The following LUZP2 variants were observed in gnomAD, a reference collection of about 807,000 sequenced individuals.
LUZP2 encodes leucine zipper protein 2.
Under a neutral mutation model 51.6 loss-of-function variants are expected in LUZP2, and 52 were observed. The observed-to-expected ratio is 1.01, with a 90% confidence interval of 0.81 to 1.27. The LOEUF is 1.27. Among genes scored for constraint, LUZP2 ranks in the 50% most tolerant of loss-of-function variants. LUZP2 has a pLI of 0.00. For synonymous variants in LUZP2, 154 were observed against 137.3 expected (o/e 1.12, Z -0.85); for missense variants, 436 against 395.4 (o/e 1.10, Z -0.87).
intron 7 of LUZP2, among the ~76,000 whole-genome samples, chr11:24,971,083 G>T (rs1855724042): frequency 6.6e-6 from 1 of 152,092 alleles, no homozygotes; most frequent in Non-Finnish European, 1.5e-5. Flanking sequence ...CTTATAAGTA[G>T]GAGATAAGCA....
chr11:25,004,304 C>T (rs1395148761), intron 9 of LUZP2, among the ~76,000 whole-genome samples: 1 of 152,136 alleles, frequency 6.6e-6, no homozygotes, highest in Non-Finnish European at 1.5e-5. Context: ...GTAAACAATA[C>T]TGCTAACAAG....
intron 1 of LUZP2, among the ~76,000 whole-genome samples, chr11:24,643,073 C>G (rs941299022): frequency 4.0e-5 from 6 of 151,666 alleles, no homozygotes; most frequent in African/African-American, 1.5e-4. Context: ...CTAGGCAAAA[C>G]GTGATGAGAG....
At chr11:24,710,572 C>T (rs1299903024) in intron 1 of LUZP2, among the ~76,000 whole-genome samples, 1 of 152,194 alleles carries the variant, frequency 6.6e-6, no homozygotes, top group Non-Finnish European at 1.5e-5. Context: ...TGTGCCAATA[C>T]AATAGCAAGC....
At chr11:24,705,430 C>A (rs114227267) in intron 1 of LUZP2, among the ~76,000 whole-genome samples, 1 of 152,022 alleles carries the variant, frequency 6.6e-6, no homozygotes, top group Non-Finnish European at 1.5e-5. Context: ...TATGAAATTC[C>A]GGAACAGTAT....
chr11:24,702,205 A>T (rs1475678942), intron 1 of LUZP2, among the ~76,000 whole-genome samples: 1 of 152,218 alleles, frequency 6.6e-6, no homozygotes, highest in Non-Finnish European at 1.5e-5. Context: ...TCTTAAGTAA[A>T]GTTTGACTCC....
intron 7 of LUZP2, among the ~76,000 whole-genome samples, chr11:24,970,310 T>A (rs570785766): frequency 1.3e-5 from 2 of 152,292 alleles, no homozygotes; most frequent in African/African-American, 4.8e-5. Context: ...TTATCATATA[T>A]TTTTTCCATA....
intron 1 of LUZP2, among the ~76,000 whole-genome samples, chr11:24,714,255 C>T (rs1179715943): frequency 6.6e-6 from 1 of 151,782 alleles, no homozygotes; most frequent in Non-Finnish European, 1.5e-5. Flanking sequence ...CACACGTATA[C>T]CTATGTAACA....
At chr11:25,045,831 G>GT (rs1369492984) in intron 9 of LUZP2, among the ~76,000 whole-genome samples, 1 of 152,008 alleles carries the variant, frequency 6.6e-6, no homozygotes, top group Non-Finnish European at 1.5e-5. Flanking sequence ...TTGATTCCCT[G>GT]TATCATCCAG....
At chr11:24,978,772 G>A (rs542501880) in intron 8 of LUZP2, among the ~76,000 whole-genome samples, 1 of 151,700 alleles carries the variant, frequency 6.6e-6, no homozygotes, top group Admixed American at 6.6e-5. Flanking sequence ...GTGGGTCATA[G>A]GGCACGGTAT....
intron 1 of LUZP2, among the ~76,000 whole-genome samples, chr11:24,543,806 A>G (rs1190362313): frequency 8.4e-5 from 9 of 107,072 alleles, no homozygotes; most frequent in Non-Finnish European, 1.5e-4. Context: ...TGGGTGACAG[A>G]CTGAGACTCT....
intron 4 of LUZP2, among the ~76,000 whole-genome samples, chr11:24,760,345 T>TG (rs1408727021): frequency 2.0e-5 from 3 of 152,106 alleles, no homozygotes; most frequent in Admixed American, 2.0e-4. Context: ...GGAATGTCGT[T>TG]GGCTGAGTGG....
chr11:24,753,142 G>A lies in LUZP2; in HGVS notation c.334-10104G>A, dbSNP rs760798460. The stretch of plus-strand genomic sequence containing the variant: ...ACAATGTAGCTTCAGTATTCATCAA[G>A]CTATATGTCATAGAACATGAACATA... On this transcript the variant is annotated intron_variant, in intron 4 of 11. Transcript: ENST00000336930. 3.8e-4 allele frequency among the ~76,000 whole-genome samples: 58 copies of A among 152,006 alleles called. 1 individual carries two copies. The highest frequency in any genetic ancestry group is 1.6e-3 in the Admixed American group (24 of 15,260).
intron 9 of LUZP2, among the ~76,000 whole-genome samples, chr11:25,007,101 G>C (rs1361747819): frequency 3.9e-5 from 6 of 152,092 alleles, no homozygotes; most frequent in African/African-American, 1.2e-4. Context: ...CATTTTTACA[G>C]AGTGCTGATT....
At chr11:24,691,552 G>A (rs1857066918) in intron 1 of LUZP2, among the ~76,000 whole-genome samples, 1 of 150,066 alleles carries the variant, frequency 6.7e-6, no homozygotes, top group African/African-American at 2.5e-5. Flanking sequence ...TAGACAGATA[G>A]GAAGGTAAAG....
chr11:24,657,663 G>A (rs1011810748), intron 1 of LUZP2, among the ~76,000 whole-genome samples: 5 of 152,158 alleles, frequency 3.3e-5, no homozygotes, highest in African/African-American at 1.2e-4. Flanking sequence ...GACATGAATT[G>A]TATATCTAGA....
At chr11:24,688,586 T>A (rs903606658) in intron 1 of LUZP2, among the ~76,000 whole-genome samples, 9 of 152,150 alleles carry the variant, frequency 5.9e-5, no homozygotes, top group African/African-American at 2.2e-4. Flanking sequence ...ATGACCTTTT[T>A]ATTCACTTTT....
intron 1 of LUZP2, among the ~76,000 whole-genome samples, chr11:24,625,003 A>G (rs996766694): frequency 2.0e-5 from 3 of 152,190 alleles, no homozygotes; most frequent in African/African-American, 7.2e-5. Flanking sequence ...CATGGTGAGC[A>G]CAGAAGGAAA....
intron 4 of LUZP2, among the ~76,000 whole-genome samples, chr11:24,755,666 C>A (rs1859746324): frequency 6.6e-6 from 1 of 151,954 alleles, no homozygotes; most frequent in South Asian, 2.1e-4. Flanking sequence ...GACAGACATG[C>A]CTCATTACAC....
At chr11:25,033,364 G>A (rs925324055) in intron 9 of LUZP2, among the ~76,000 whole-genome samples, 8 of 152,004 alleles carry the variant, frequency 5.3e-5, no homozygotes, top group African/African-American at 1.9e-4. Context: ...TGACCATTTA[G>A]GTTTTTTAAA....
Sources: allele counts gnomAD v4.1 joint callset (sites outside exome capture counted in the v4.1 genomes callset), GRCh38; gene constraint gnomAD v4.1.1; transcripts MANE v1.5; gene names NCBI Gene and HGNC (gene_info 2026-07-23, HGNC 2026-07-21).